Variants in NT5C1A observed in about 807,000 individuals in gnomAD.
NT5C1A encodes 5'-nucleotidase, cytosolic IA.
In NT5C1A, 18 loss-of-function variants were observed where a neutral mutation model predicts 31.0. The ratio of observed to expected loss-of-function variants is 0.58; its 90% confidence interval spans 0.40 to 0.86. NT5C1A has a LOEUF of 0.86. Ranked by LOEUF, NT5C1A falls within the 40% of genes least tolerant of loss-of-function variation. The probability of loss-of-function intolerance (pLI) is 0.00; values close to 1 mark genes in which losing one functional copy is unlikely to be tolerated. For synonymous variants in NT5C1A, 185 were observed against 203.6 expected (o/e 0.91, Z 0.78); for missense variants, 470 against 505.4 (o/e 0.93, Z 0.67).
chr1:39,653,831 G>A lies in NT5C1A; in HGVS notation c.*5290C>T, dbSNP rs146779244. ...CCTCCTTGTGTTCTACCCAAGTCAG[G>A]TGAGGCTCTGACATCCTCAGAGTTG... On this transcript the variant is annotated 3_prime_UTR_variant, in exon 6 of 6. Transcript: ENST00000235628. Among the ~76,000 whole-genome samples, 108 of 152,326 alleles carry A rather than the reference G, an allele frequency of 7.1e-4. No individual in the cohort carries two copies. Among genetic ancestry groups the A allele is most frequent in the Admixed American group, 4.1e-3 (62 of 15,298 alleles).
rs943689232 is a variant in NT5C1A at position 39,663,344 on chromosome 1, T to G, written c.524A>C (p.Asp175Ala). 11 of 1,614,026 alleles carry G rather than the reference T, an allele frequency of 6.8e-6. No homozygotes were observed. The highest frequency in any genetic ancestry group is 9.3e-6 in the Non-Finnish European group (11 of 1,180,024). ...AYHTNLYLSA[D>A]AEKVREAIDE... ...AATGGCTTCTCGCACTTTTTCCGCA[T>G]CGGCTGACAAGTAGAGGTTGGTGTG... The change falls in exon 4 of 6, where the codon GAT (aspartate) becomes GCT (alanine). Residue 175 changes from aspartate (D) to alanine (A), a missense_variant. Physicochemically the swap from Asp to Ala is moderately radical, Grantham distance 126. Transcript: ENST00000235628.
At chr1:39,663,241 A>C in intron 4 of NT5C1A, 71 bp downstream of exon 4, 13 of 1,587,838 alleles carry the variant, frequency 8.2e-6, no homozygotes, top group African/African-American at 1.3e-5. Context: ...TCGGAACTTC[A>C]GGACCAGGCC....
intron 1 of NT5C1A, among the ~76,000 whole-genome samples, chr1:39,670,824 T>C (rs1646546960): frequency 6.6e-6 from 1 of 152,118 alleles, no homozygotes; most frequent in African/African-American, 2.4e-5. Flanking sequence ...TCAGGATACG[T>C]GCCACTTCTA....
rs1646451345 is a variant in NT5C1A, at chr1:39,654,799, AT to A, written c.*4321del. Among the ~76,000 whole-genome samples the A allele has an allele frequency of 6.6e-6, 1 of 152,090 alleles. No individual in the cohort carries two copies. Among genetic ancestry groups the A allele is most frequent in the Non-Finnish European group, 1.5e-5 (1 of 68,022 alleles). On this transcript the variant is annotated 3_prime_UTR_variant, in exon 6 of 6. Transcript: ENST00000235628. Reference sequence around the variant, plus strand: ...TCTGCCTTGGCCCAGGGGTCCGCACATTTTTCTGTAAAGGGCCAGATAATAA... The same window carrying A: ...TCTGCCTTGGCCCAGGGGTCCGCACATTTTCTGTAAAGGGCCAGATAATAA...
At position 39,653,781 on chromosome 1, in the gene NT5C1A, C is replaced by A. The variant is rs1646446180; in HGVS notation, c.*5340G>T. ...ATAAAACCCGTGATCTGGGAAGCCG[C>A]CAGCCACACGATGCTATTCATCCAC... On this transcript the variant is annotated 3_prime_UTR_variant, in exon 6 of 6. Transcript: ENST00000235628. Among the ~76,000 whole-genome samples the A allele has an allele frequency of 6.6e-6, 1 of 152,186 alleles. No homozygotes were observed. The highest frequency in any genetic ancestry group is 6.5e-5 in the Admixed American group (1 of 15,278).
chr1:39,664,298 C>T (rs1646506716), intron 3 of NT5C1A, among the ~76,000 whole-genome samples: 1 of 150,406 alleles, frequency 6.6e-6, no homozygotes, highest in African/African-American at 2.5e-5. Flanking sequence ...GGACCACAGG[C>T]CCCACCACCA....
At chr1:39,660,124 C>G (rs562761712) in intron 5 of NT5C1A, among the ~76,000 whole-genome samples, 1 of 152,324 alleles carries the variant, frequency 6.6e-6, no homozygotes, top group African/African-American at 2.4e-5. Flanking sequence ...TTGGAGACCT[C>G]TCGCTTGCTA....
At chr1:39,663,766 G>C (rs1646504063) in intron 3 of NT5C1A, among the ~76,000 whole-genome samples, 1 of 152,206 alleles carries the variant, frequency 6.6e-6, no homozygotes. Context: ...GGGCCAATCT[G>C]ATTACCTAGG....
intron 5 of NT5C1A, among the ~76,000 whole-genome samples, 176 bp downstream of exon 5, chr1:39,660,903 A>G (rs186901996): frequency 6.6e-6 from 1 of 152,196 alleles, no homozygotes; most frequent in Admixed American, 6.5e-5. Context: ...GGCTCAACAA[A>G]GCAGGTGGAA....
In NT5C1A at chr1:39,664,494, C is replaced by CTCTCTCCCCACAGTGGATTTCTCT. The variant is rs1557746051; in HGVS notation, c.433+1026_433+1027insAGAGAAATCCACTGTGGGGAGAGA. 6.3e-5 allele frequency among the ~76,000 whole-genome samples: 2 copies of CTCTCTCCCCACAGTGGATTTCTCT among 31,732 alleles called. 1 individual carries two copies. The highest frequency in any genetic ancestry group is 2.5e-4 in the African/African-American group (2 of 8,124). The allele number at this position is 31,732 out of a possible 152,430, so 20.8% of individuals were successfully genotyped here. On this transcript the variant is annotated intron_variant, in intron 3 of 5. Transcript: ENST00000235628. ...CTCTCCCCAGAGTGGATTTCTCCTC[C>CTCTCTCCCCACAGTGGATTTCTCT]TCTCCTCTCCTCTCCTCTCCTTTCC... is the stretch of plus-strand genomic sequence containing the variant.
intron 3 of NT5C1A, among the ~76,000 whole-genome samples, chr1:39,664,489 T>TCCTCCTCC (rs1646509398): frequency 9.1e-4 from 1 of 1,096 alleles, no homozygotes; most frequent in East Asian, 0.031. Flanking sequence ...AGTGGATTTC[T>TCCTCCTCC]CCTCCTCTCC....
At chr1:39,669,843 G>A (rs1030641689) in intron 1 of NT5C1A, among the ~76,000 whole-genome samples, 10 of 152,140 alleles carry the variant, frequency 6.6e-5, no homozygotes, top group African/African-American at 2.2e-4. Flanking sequence ...TTTGCTGCCG[G>A]ACTCACCCTT....
At chr1:39,666,038 A>C (rs1478225190) in intron 2 of NT5C1A, 31 bp downstream of exon 2, 1 of 1,600,078 alleles carries the variant, frequency 6.2e-7, no homozygotes, top group East Asian at 2.2e-5. Context: ...CGAAGGCGCT[A>C]TATGAGCTAG....
At position 39,657,123 on chromosome 1, in the gene NT5C1A, T is replaced by A. The variant is rs1557743592; in HGVS notation, c.*1998A>T. Among the ~76,000 whole-genome samples, 1 of 152,198 alleles carries A rather than the reference T, an allele frequency of 6.6e-6. No individual in the cohort carries two copies. On this transcript the variant is annotated 3_prime_UTR_variant, in exon 6 of 6. Coordinates refer to ENST00000235628, the MANE Select transcript of NT5C1A (RefSeq NM_032526.3). ...ATGCCAGTGTCCCCTGATAAAGCAG[T>A]CACTGTGGGTATCTGTCCCAGTCAC...
chr1:39,652,687 T>C lies in NT5C1A; in HGVS notation c.*6434A>G, dbSNP rs1298269180. Among the ~76,000 whole-genome samples the C allele has an allele frequency of 1.3e-5, 2 of 152,074 alleles. No individual in the cohort carries two copies. The highest frequency in any genetic ancestry group is 2.9e-5 in the Non-Finnish European group (2 of 68,006). On this transcript the variant is annotated 3_prime_UTR_variant, in exon 6 of 6. Coordinates refer to ENST00000235628, the MANE Select transcript of NT5C1A (RefSeq NM_032526.3). Reference sequence around the variant, plus strand: ...GTCAGTGACCCCAGTCTTCACAGCTTTGGTTTGCCTTACAGAGGCTTTCAC... The same window carrying C: ...GTCAGTGACCCCAGTCTTCACAGCTCTGGTTTGCCTTACAGAGGCTTTCAC...
intron 3 of NT5C1A, among the ~76,000 whole-genome samples, chr1:39,664,490 C>CCTCCTCTCCTCCCTCTCCTCTCCTCTCCT: frequency 3.5e-4 from 1 of 2,894 alleles, no homozygotes; most frequent in Non-Finnish European, 6.1e-4. Context: ...GTGGATTTCT[C>CCTCCTCTCCTCCCTCTCCTCTCCTCTCCT]CTCCTCTCCT....
rs1646453044 is a variant in NT5C1A, at chr1:39,655,092, C to G, written c.*4029G>C. ...GAGTAGCTGGGACTACAGGCGTGCA[C>G]CACCACGCCCAGCTAATTTTTGTAT... On this transcript the variant is annotated 3_prime_UTR_variant, in exon 6 of 6. Transcript: ENST00000235628. Among the ~76,000 whole-genome samples the G allele has an allele frequency of 3.3e-5, 5 of 152,170 alleles. No homozygotes were observed. In the South Asian group the frequency reaches 1.0e-3, roughly 32 times the overall value.
Position 39,661,166 on chromosome 1 carries a change from C to T in NT5C1A, c.654G>A (p.Ser218=), listed in dbSNP as rs200853948. 5.8e-5 allele frequency: 93 copies of T among 1,604,168 alleles called. No individual in the cohort carries two copies. The highest frequency in any genetic ancestry group is 1.5e-4 in the Admixed American group (9 of 59,940). The part of the protein sequence containing the change: ...VAFDGDAVLF[S]DESERIVKAH... ...CCTTGACGATGCGCTCCGACTCGTCCGAGAAGAGCACGGCGTCCCCATCGA... is the reference window on the plus strand; with the variant it reads ...CCTTGACGATGCGCTCCGACTCGTCTGAGAAGAGCACGGCGTCCCCATCGA... Residue 218 remains serine (S), a synonymous_variant, in exon 5 of 6, where the codon TCG becomes TCA. Coordinates refer to ENST00000235628, the MANE Select transcript of NT5C1A (RefSeq NM_032526.3).
chr1:39,661,027 G>T, intron 5 of NT5C1A, 52 bp downstream of exon 5: 1 of 1,140,612 alleles, frequency 8.8e-7, no homozygotes, highest in South Asian at 1.4e-5. Context: ...CCAAGGGCAG[G>T]TCTGGGGAGC....
Sources: gnomAD v4.1 joint callset for allele counts (sites outside exome capture counted in the v4.1 genomes callset) on GRCh38, gnomAD v4.1.1 for gene constraint, MANE v1.5 for transcripts, NCBI Gene and HGNC (gene_info 2026-07-23, HGNC 2026-07-21) for gene names.